Variants in BBX observed in about 807,000 individuals in gnomAD.
BBX encodes HMG box transcription factor BBX.
Under a neutral mutation model 100.2 loss-of-function variants are expected in BBX, and 30 were observed. That is an observed-to-expected ratio of 0.30 (90% confidence interval 0.22 to 0.41). The LOEUF (loss-of-function observed/expected upper bound fraction) is 0.41, where lower values mean the gene tolerates loss of function less well. Among genes scored for constraint, BBX ranks in the 10% least tolerant of loss-of-function variants. The probability of loss-of-function intolerance (pLI) is 1.00; values close to 1 mark genes in which losing one functional copy is unlikely to be tolerated. For synonymous variants in BBX, 376 were observed against 388.1 expected, an observed-to-expected ratio of 0.97 and a Z score of 0.37; for missense variants, 1,023 against 1,129.8, an observed-to-expected ratio of 0.91 and a Z score of 1.35.
rs1266600305 is a variant in BBX at position 107,798,039 on chromosome 3, A to G, written c.2354-484A>G. On this transcript the variant is annotated intron_variant, in intron 15 of 17. Transcript: ENST00000325805. ...AAGTCAGGCCTCAATTTCTTTTCTG[A>G]TCAATTCAACCTGGTGCTTAAAAGC... Among the ~76,000 whole-genome samples the G allele has an allele frequency of 2.6e-5, 4 of 152,332 alleles. No homozygotes were observed. In the East Asian group the frequency reaches 7.7e-4, roughly 29 times the overall value.
At chr3:107,735,791 ATG>A (rs1209887673) in intron 7 of BBX, among the ~76,000 whole-genome samples, 1 of 151,998 alleles carries the variant, frequency 6.6e-6, no homozygotes, top group African/African-American at 2.4e-5. Context: ...AACAAACAAA[ATG>A]TTGTGTATTC....
intron 2 of BBX, among the ~76,000 whole-genome samples, chr3:107,608,650 G>T (rs2054616626): frequency 2.0e-5 from 3 of 152,028 alleles, no homozygotes; most frequent in Admixed American, 2.0e-4. Flanking sequence ...TAGATTGCTT[G>T]GGTAGTATGG....
intron 2 of BBX, among the ~76,000 whole-genome samples, chr3:107,549,869 C>CTTTTTT (rs34639576): frequency 7.4e-6 from 1 of 135,010 alleles, no homozygotes; most frequent in Non-Finnish European, 1.6e-5. Flanking sequence ...TTGTTCTTAC[C>CTTTTTT]TTTTTTTTTT....
At position 107,697,124 on chromosome 3, in the gene BBX, T is replaced by G. The variant is rs1386914742; in HGVS notation, c.-9-13328T>G. 2.0e-5 allele frequency among the ~76,000 whole-genome samples: 3 copies of G among 151,938 alleles called. No individual in the cohort carries two copies. The South Asian group carries it at 6.2e-4, about 31-fold the overall frequency. The stretch of plus-strand genomic sequence containing the variant: ...CTAAATTTTTTTCAAAGTTTTCAAC[T>G]TCTTTGCCTTTGGTGTGAATGTCCT... On this transcript the variant is annotated intron_variant, in intron 3 of 17. Coordinates refer to ENST00000325805, the MANE Select transcript of BBX (RefSeq NM_001142568.3).
intron 2 of BBX, among the ~76,000 whole-genome samples, chr3:107,568,265 A>ATTTTTTTTT (rs36099700): frequency 1.5e-5 from 2 of 131,528 alleles, no homozygotes; most frequent in African/African-American, 5.8e-5. Context: ...ATTTTCTGCT[A>ATTTTTTTTT]TTTTTTTTTT....
At chr3:107,615,037 G>T (rs2055147508) in intron 2 of BBX, among the ~76,000 whole-genome samples, 1 of 152,004 alleles carries the variant, frequency 6.6e-6, no homozygotes, top group Non-Finnish European at 1.5e-5. Flanking sequence ...AAGGAGTGAG[G>T]TGTTTGGATT....
intron 2 of BBX, among the ~76,000 whole-genome samples, chr3:107,610,072 G>A (rs540900514): frequency 1.1e-3 from 162 of 151,968 alleles, no homozygotes; most frequent in African/African-American, 3.5e-3. Flanking sequence ...GTTTGTATAT[G>A]TTTCCATTAT....
At chr3:107,718,484 A>G (rs2107399775) in intron 5 of BBX, among the ~76,000 whole-genome samples, 1 of 151,834 alleles carries the variant, frequency 6.6e-6, no homozygotes, top group African/African-American at 2.4e-5. Context: ...TTCCCATTAA[A>G]TAGCCTTACA....
intron 2 of BBX, among the ~76,000 whole-genome samples, chr3:107,562,651 C>T (rs1006959220): frequency 1.4e-4 from 22 of 152,014 alleles, no homozygotes; most frequent in African/African-American, 2.2e-4. Flanking sequence ...GAAACTGCTT[C>T]TTCCTTAAGC....
In BBX at chr3:107,716,678, G is replaced by GCGAGCC. The variant is rs1449186147; in HGVS notation, c.237_242dup (p.Ala80_Arg81dup). 2.5e-6 allele frequency: 4 copies of GCGAGCC among 1,613,838 alleles called. No homozygotes were observed. The highest frequency in any genetic ancestry group is 1.7e-4 in the Middle Eastern group (1 of 6,056). On this transcript the variant is annotated inframe_insertion, in exon 5 of 18. Transcript: ENST00000325805. ...CTGAAGATGATGAATCACCAGAGCA[G>GCGAGCC]CGAGCCCGGAGACCAATGAATGCAT... is the stretch of plus-strand genomic sequence containing the variant.
At chr3:107,790,872 G>C (rs2068948144) in intron 14 of BBX, among the ~76,000 whole-genome samples, 1 of 151,960 alleles carries the variant, frequency 6.6e-6, no homozygotes, top group East Asian at 1.9e-4. Flanking sequence ...CAGCTTCTTA[G>C]TTTTGTTTTG....
chr3:107,531,876 T>C (rs535234911), intron 2 of BBX, among the ~76,000 whole-genome samples: 2 of 152,196 alleles, frequency 1.3e-5, no homozygotes, highest in Non-Finnish European at 2.9e-5. Context: ...TGGTGACTTA[T>C]AGATATTAGA....
At chr3:107,779,573 C>T (rs146382381) in intron 13 of BBX, among the ~76,000 whole-genome samples, 66 of 152,124 alleles carry the variant, frequency 4.3e-4, no homozygotes, top group African/African-American at 1.5e-3. Context: ...AAAGTTGCTG[C>T]CTATTGCCTG....
chr3:107,667,043 A>G (rs2058789719), intron 3 of BBX, among the ~76,000 whole-genome samples: 2 of 152,222 alleles, frequency 1.3e-5, no homozygotes, highest in Admixed American at 6.5e-5. Context: ...CAAAACTGTT[A>G]AGGAAACGTA....
chr3:107,605,303 A>G (rs1249579147), intron 2 of BBX, among the ~76,000 whole-genome samples: 1 of 151,646 alleles, frequency 6.6e-6, no homozygotes, highest in Non-Finnish European at 1.5e-5. Context: ...AGCTGATGCA[A>G]TTTGTCATTT....
intron 2 of BBX, among the ~76,000 whole-genome samples, chr3:107,542,931 G>C (rs1004695141): frequency 6.7e-6 from 1 of 148,746 alleles, no homozygotes; most frequent in South Asian, 2.1e-4. Context: ...CAGGGTAAAA[G>C]AGCTTTTTCT....
At chr3:107,666,016 T>C (rs1310204093) in intron 3 of BBX, among the ~76,000 whole-genome samples, 1 of 152,202 alleles carries the variant, frequency 6.6e-6, no homozygotes, top group Non-Finnish European at 1.5e-5. Flanking sequence ...CCATTAACTA[T>C]TGCAGGGAAT....
At chr3:107,632,689 G>A (rs543175961) in intron 2 of BBX, among the ~76,000 whole-genome samples, 1 of 152,256 alleles carries the variant, frequency 6.6e-6, no homozygotes, top group South Asian at 2.1e-4. Context: ...AAATCCCTTA[G>A]CAAGTCAATT....
Position 107,807,680 on chromosome 3 carries a change from G to A in BBX, c.*2223G>A, listed in dbSNP as rs1212959194. On this transcript the variant is annotated 3_prime_UTR_variant, in exon 18 of 18. Transcript: ENST00000325805. Reference sequence around the variant, plus strand: ...ATTACATTTCACTAGAGTTCCTTACGAGATTGCTGTATATTCCTGGGACCT... The same window carrying A: ...ATTACATTTCACTAGAGTTCCTTACAAGATTGCTGTATATTCCTGGGACCT... 2.7e-5 allele frequency: 4 copies of A among 150,942 alleles called. No homozygotes were observed. The highest frequency in any genetic ancestry group is 9.7e-5 in the African/African-American group (4 of 41,034). The allele number at this position is 150,942 out of a possible 1,614,324, so 9.4% of individuals were successfully genotyped here.
Sources: gnomAD v4.1 joint callset for allele counts (sites outside exome capture counted in the v4.1 genomes callset) on GRCh38, gnomAD v4.1.1 for gene constraint, MANE v1.5 for transcripts, NCBI Gene and HGNC (gene_info 2026-07-23, HGNC 2026-07-21) for gene names.